The following LIG3 variants were observed in gnomAD, a reference collection of about 807,000 sequenced individuals.
LIG3 encodes DNA ligase 3.
In LIG3, 58 loss-of-function variants were observed where a neutral mutation model predicts 110.9. The observed-to-expected ratio is 0.52, with a 90% confidence interval of 0.42 to 0.65. LIG3 has a LOEUF of 0.65. Among genes scored for constraint, LIG3 ranks in the 30% least tolerant of loss-of-function variants. LIG3 has a pLI of 0.00. For synonymous variants in LIG3, 422 were observed against 472.8 expected (o/e 0.89, Z 1.39); for missense variants, 1,094 against 1,273.8 (o/e 0.86, Z 2.15).
chr17:35,007,415 ATC>A lies in LIG3; in HGVS notation c.*2914_*2915del, dbSNP rs1360618265. On this transcript the variant is annotated 3_prime_UTR_variant, in exon 20 of 20. Transcript: ENST00000378526. ...GCAGCCCTCAACATCATCATCATAA[ATC>A]TCTCCAGCAGAATGCTGGAGGCCTC... is the stretch of plus-strand genomic sequence containing the variant. 6.6e-6 allele frequency: 1 copy of A among 152,148 alleles called. No homozygotes were observed. The highest frequency in any genetic ancestry group is 1.5e-5 in the Non-Finnish European group (1 of 68,060). The allele number at this position is 152,148 out of a possible 1,614,324, so 9.4% of individuals were successfully genotyped here.
chr17:34,994,270 C>T lies in LIG3; in HGVS notation c.1456-6C>T. 1 of 1,610,202 alleles carries T rather than the reference C, an allele frequency of 6.2e-7. No homozygotes were observed. Among genetic ancestry groups the T allele is most frequent in the Non-Finnish European group, 8.5e-7 (1 of 1,178,684 alleles). Reference sequence around the variant, plus strand: ...AGTCTCCAGGCTTTGCTTTCCCCACCCCAAGGCGGAGGCCTGCAAGTCCGT... The same window carrying T: ...AGTCTCCAGGCTTTGCTTTCCCCACTCCAAGGCGGAGGCCTGCAAGTCCGT... On this transcript the variant is annotated splice_polypyrimidine_tract_variant and splice_region_variant and intron_variant, in intron 8 of 19. Coordinates refer to ENST00000378526, the MANE Select transcript of LIG3 (RefSeq NM_013975.4).
At position 34,991,954 on chromosome 17, in the gene LIG3, C is replaced by T. The variant is rs2090726078; in HGVS notation, c.1209-4C>T. On this transcript the variant is annotated splice_region_variant and splice_polypyrimidine_tract_variant and intron_variant, in intron 6 of 19. Coordinates refer to ENST00000378526, the MANE Select transcript of LIG3 (RefSeq NM_013975.4). ...ACCAAGTTAAATGTGCTTCATCCCC[C>T]TAGGTGTACAGCCAATGACCTTAAA... 1 of 1,613,954 alleles carries T rather than the reference C, an allele frequency of 6.2e-7. No homozygotes were observed. Among genetic ancestry groups the T allele is most frequent in the Non-Finnish European group, 8.5e-7 (1 of 1,179,894 alleles).
At chr17:34,982,957 T>G (rs1361527458) in intron 1 of LIG3, 45 bp from the exon 2 acceptor site, 4 of 1,424,202 alleles carry the variant, frequency 2.8e-6, no homozygotes, top group East Asian at 2.3e-5. Flanking sequence ...ATCTCCTTGT[T>G]TATATCTTTT....
intron 8 of LIG3, among the ~76,000 whole-genome samples, chr17:34,993,688 CAA>C (rs1188419303): frequency 6.6e-6 from 1 of 152,118 alleles, no homozygotes; most frequent in Admixed American, 6.5e-5. Context: ...AAAATGAAAA[CAA>C]TATTTGTCAC....
Position 34,980,703 on chromosome 17 carries a change from C to T in LIG3, c.-5+81C>T, listed in dbSNP as rs1258414225. On this transcript the variant is annotated intron_variant, in intron 1 of 19. Transcript: ENST00000378526. The stretch of plus-strand genomic sequence containing the variant: ...CGGGCCCGGGGCGAGGAGCTCGGCG[C>T]GGCCGGGGAGCCAGCCCCCCGGCTC... The T allele has an allele frequency of 2.8e-5, 24 of 842,522 alleles. No homozygotes were observed. In the East Asian group the frequency reaches 3.4e-4, roughly 12 times the overall value. 52.2% of individuals were successfully genotyped at this position (842,522 alleles called of 1,614,324 possible).
rs543623838 is a variant in LIG3, at chr17:34,997,367, G to A, written c.1824-371G>A. On this transcript the variant is annotated intron_variant, in intron 11 of 19. Transcript: ENST00000378526. ...AGGCCTGTCTCAGCCTGCCTACCCC[G>A]GGGTTGGCCTTGGGATCGGGGCAAA... 9.4e-5 allele frequency: 18 copies of A among 191,664 alleles called. No individual in the cohort carries two copies. In the East Asian group the frequency reaches 1.7e-3, roughly 19 times the overall value. 11.9% of individuals were successfully genotyped at this position (191,664 alleles called of 1,614,324 possible).
chr17:34,988,308 C>G (rs2090681131), intron 3 of LIG3, among the ~76,000 whole-genome samples: 1 of 151,648 alleles, frequency 6.6e-6, no homozygotes, highest in Admixed American at 6.6e-5. Flanking sequence ...TGGAAGGGCT[C>G]CGGTGTTGGG....
chr17:34,990,307 T>A (rs761572091), intron 4 of LIG3, among the ~76,000 whole-genome samples: 11 of 152,260 alleles, frequency 7.2e-5, no homozygotes, highest in Non-Finnish European at 1.6e-4. Flanking sequence ...AGACAAAAAA[T>A]GTGGCTGTGT....
intron 11 of LIG3, chr17:34,997,094 A>C (rs2090786072): frequency 6.0e-6 from 1 of 167,268 alleles, no homozygotes; most frequent in Non-Finnish European, 1.3e-5. Flanking sequence ...ATTTCAGAAG[A>C]GACTGACAAC....
intron 1 of LIG3, chr17:34,980,825 C>T (rs1338564249): frequency 6.1e-6 from 1 of 164,282 alleles, no homozygotes; most frequent in Non-Finnish European, 1.3e-5. Context: ...CCGGGACCCC[C>T]ACGGGGCCGC....
chr17:34,994,069 G>A (rs1459231934), intron 8 of LIG3: 2 of 480,864 alleles, frequency 4.2e-6, no homozygotes, highest in Non-Finnish European at 7.3e-6. Context: ...GTCAGCTCAG[G>A]TGATTATTTC....
chr17:34,985,141 A>G (rs1377028744), intron 2 of LIG3, among the ~76,000 whole-genome samples: 1 of 152,204 alleles, frequency 6.6e-6, no homozygotes, highest in African/African-American at 2.4e-5. Flanking sequence ...ATGCATGTAA[A>G]ATTCATACCT....
Position 34,983,102 on chromosome 17 carries a change from A to C in LIG3, c.97A>C (p.Arg33=), listed in dbSNP as rs371603891. 2 of 1,614,138 alleles carry C rather than the reference A, an allele frequency of 1.2e-6. No homozygotes were observed. Among genetic ancestry groups the C allele is most frequent in the African/African-American group, 2.7e-5 (2 of 75,044 alleles). The change falls in exon 2 of 20, where the codon AGA becomes CGA. Residue 33 remains arginine (R), a synonymous_variant. Coordinates refer to ENST00000378526, the MANE Select transcript of LIG3 (RefSeq NM_013975.4). ...LFRKHHWRDV[R]QFSQWSETDL... ...CCGAAAACATCACTGGCGTGATGTA[A>C]GACAATTCAGCCAGTGGTCAGAAAC...
Position 35,005,274 on chromosome 17 carries a change from C to G in LIG3, c.*768C>G. The G allele has an allele frequency of 1.9e-6, 1 of 528,024 alleles. No individual in the cohort carries two copies. The highest frequency in any genetic ancestry group is 1.4e-5 in the South Asian group (1 of 71,042). 32.7% of individuals were successfully genotyped at this position (528,024 alleles called of 1,614,324 possible). A position where few individuals can be genotyped will look rare whatever the true frequency, so the allele number is the denominator to read the frequency against. ...TAAAAATCCACATGGGGCTTGAGGC[C>G]AAGAACAGCCCTTGTTGCCACCAAC... On this transcript the variant is annotated 3_prime_UTR_variant, in exon 20 of 20. Transcript: ENST00000378526.
Position 34,999,763 on chromosome 17 carries a change from A to G in LIG3, c.2257-19A>G, listed in dbSNP as rs1164748864. On this transcript the variant is annotated intron_variant, in intron 15 of 19. Transcript: ENST00000378526. ...TTCCAGGTTGGGAACAGCCCAAAGT[A>G]GCATCTTTTCTCCTCTAGGACCCCA... is the stretch of plus-strand genomic sequence containing the variant. The G allele has an allele frequency of 6.2e-7, 1 of 1,608,798 alleles. No individual in the cohort carries two copies. Among genetic ancestry groups the G allele is most frequent in the Non-Finnish European group, 8.5e-7 (1 of 1,175,234 alleles).
chr17:34,996,538 T>C (rs1223469395), intron 10 of LIG3, 36 bp from the exon 11 acceptor site: 1 of 1,529,778 alleles, frequency 6.5e-7, no homozygotes, highest in African/African-American at 1.4e-5. Flanking sequence ...CTGACTTTTG[T>C]CCTATGTGTA....
intron 10 of LIG3, 47 bp downstream of exon 10, chr17:34,996,242 G>GT (rs1567691342): frequency 6.3e-7 from 1 of 1,599,852 alleles, no homozygotes; most frequent in Non-Finnish European, 8.5e-7. Context: ...GTGTGAGTGA[G>GT]TATGTACATG....
rs200240248 is a variant in LIG3 at position 34,989,472 on chromosome 17, C to G, written c.698C>G (p.Pro233Arg). 8.3e-5 allele frequency: 134 copies of G among 1,613,722 alleles called. No individual in the cohort carries two copies. Among genetic ancestry groups the G allele is most frequent in the Non-Finnish European group, 1.1e-4 (129 of 1,179,918 alleles). Residue 233 changes from proline (P) to arginine (R), a missense_variant, in exon 4 of 20, where the codon CCC becomes CGC. Coordinates refer to ENST00000378526, the MANE Select transcript of LIG3 (RefSeq NM_013975.4). Reference sequence around the variant, plus strand: ...TCTGTTGTTTCTCCAACAGCCAAGCCCAACAACTCTGGGGAAGCCCCCTCG... The same window carrying G: ...TCTGTTGTTTCTCCAACAGCCAAGCGCAACAACTCTGGGGAAGCCCCCTCG... ...PRKFSGFSAK[P>R]NNSGEAPSSP...
chr17:35,002,562 G>T (rs996299013), intron 18 of LIG3, 106 bp from the exon 19 acceptor site: 1 of 1,236,276 alleles, frequency 8.1e-7, no homozygotes. Flanking sequence ...GCAGTGGCAC[G>T]ACCATAGCTC....
Sources: allele counts gnomAD v4.1 joint callset (sites outside exome capture counted in the v4.1 genomes callset), GRCh38; gene constraint gnomAD v4.1.1; transcripts MANE v1.5; gene names NCBI Gene and HGNC (gene_info 2026-07-23, HGNC 2026-07-21).